The following RTTN variants were observed in gnomAD, a reference collection of about 807,000 sequenced individuals.
The protein encoded by RTTN is rotatin.
RTTN carries 182 observed loss-of-function variants against 269.2 expected under a neutral mutation model. The ratio of observed to expected loss-of-function variants is 0.68; its 90% CI spans 0.60 to 0.76. The LOEUF (loss-of-function observed/expected upper bound fraction) is 0.76, where lower values mean the gene tolerates loss of function less well. Among genes scored for constraint, RTTN ranks in the 30% least tolerant of loss-of-function variants. The pLI, the probability that RTTN is intolerant of heterozygous loss-of-function variation, is 0.00. For missense variants in RTTN, 2,545 were observed against 2,608.6 expected (o/e 0.98, Z 0.53); for synonymous variants, 1,006 against 963.5 (o/e 1.04, Z -0.82).
At chr18:70,192,991 A>G (rs1409488200) in intron 8 of RTTN, 1 of 245,396 alleles carries the variant, frequency 4.1e-6, no homozygotes, top group African/African-American at 2.2e-5. Flanking sequence ...GTATCAGAAT[A>G]CTATTATGTG....
At chr18:70,062,791 T>G (rs2058028360) in intron 35 of RTTN, among the ~76,000 whole-genome samples, 1 of 152,036 alleles carries the variant, frequency 6.6e-6, no homozygotes. Context: ...TATTTTATAT[T>G]TTGTAGAGAT....
chr18:70,181,762 T>C lies in RTTN; in HGVS notation c.1306-4917A>G, dbSNP rs150203766. On this transcript the variant is annotated intron_variant, in intron 10 of 48. Coordinates refer to ENST00000640769, the MANE Select transcript of RTTN (RefSeq NM_173630.4). ...TATGAACATTAAGAAATTTTACTTG[T>C]TTGCTTCTTTTAAAATATAGCCAAA... 2.9e-3 allele frequency among the ~76,000 whole-genome samples: 443 copies of C among 152,328 alleles called. 1 individual carries two copies. Among genetic ancestry groups the C allele is most frequent in the African/African-American group, 9.9e-3 (411 of 41,586 alleles).
At chr18:70,067,140 T>C (rs1466929342) in intron 34 of RTTN, among the ~76,000 whole-genome samples, 1 of 148,854 alleles carries the variant, frequency 6.7e-6, no homozygotes, top group Non-Finnish European at 1.5e-5. Flanking sequence ...AGATACTAAG[T>C]AAAAATAACC....
intron 27 of RTTN, among the ~76,000 whole-genome samples, chr18:70,113,263 G>A (rs1599440): frequency 0.85 from 129,550 of 152,202 alleles, 57,360 homozygotes; most frequent in East Asian, 1. Flanking sequence ...GTATTTCTCC[G>A]AAGAAGATAC....
chr18:70,166,281 C>G, intron 13 of RTTN, 93 bp from the exon 14 acceptor site: 1 of 1,220,962 alleles, frequency 8.2e-7, no homozygotes, highest in South Asian at 1.4e-5. Flanking sequence ...TCTTCCTACT[C>G]CAACTCCTCA....
chr18:70,015,028 C>T (rs999713017), intron 46 of RTTN, among the ~76,000 whole-genome samples: 2 of 151,042 alleles, frequency 1.3e-5, no homozygotes, highest in African/African-American at 4.9e-5. Flanking sequence ...ATGTTATTGT[C>T]GTTTTCAGAA....
At chr18:70,065,694 C>G (rs1036014618) in intron 35 of RTTN, 135 bp downstream of exon 35, 2 of 474,024 alleles carry the variant, frequency 4.2e-6, no homozygotes, top group Non-Finnish European at 7.5e-6. Context: ...TATATTGGTT[C>G]TAAATGTATT....
chr18:70,059,709 G>T, intron 36 of RTTN, 141 bp downstream of exon 36: 1 of 514,750 alleles, frequency 1.9e-6, no homozygotes, highest in Non-Finnish European at 3.1e-6. Flanking sequence ...TCTGGCAAAA[G>T]CAAAATCCTA....
At chr18:70,034,864 A>G (rs369703015) in intron 40 of RTTN, among the ~76,000 whole-genome samples, 1 of 152,230 alleles carries the variant, frequency 6.6e-6, no homozygotes. Context: ...ATACAAAATC[A>G]ATGTGCAAAA....
chr18:70,184,703 GTTTTTTT>G (rs374636456), intron 10 of RTTN, among the ~76,000 whole-genome samples: 730 of 26,378 alleles, frequency 0.028, 21 homozygotes, highest in African/African-American at 0.035. Flanking sequence ...ACCACAGCAG[GTTTTTTT>G]TTTTTTTGTG....
intron 10 of RTTN, among the ~76,000 whole-genome samples, chr18:70,184,717 TGTGTGTGTGTGTG>T (rs2061502478): frequency 5.3e-5 from 1 of 19,030 alleles, no homozygotes; most frequent in Non-Finnish European, 1.7e-4. Context: ...TTTTTTTTTT[TGTGTGTGTGTGTG>T]TGTGTGTGTG....
chr18:70,152,031 T>C (rs1387956392), intron 14 of RTTN, among the ~76,000 whole-genome samples: 10 of 152,126 alleles, frequency 6.6e-5, no homozygotes, highest in Non-Finnish European at 1.5e-5. Context: ...ACCAACAACC[T>C]CAACGATGCC....
chr18:70,128,495 G>A lies in RTTN; in HGVS notation c.3006C>T (p.Ser1002=), dbSNP rs746761740. The A allele has an allele frequency of 5.6e-6, 9 of 1,613,104 alleles. No homozygotes were observed. In the East Asian group the frequency reaches 6.7e-5, roughly 12 times the overall value. ...VIGHHAVSPY[S]IVLPLSADCL... ...AATCAGCAGATAAGGGCAAAACTATGGAGTAAGGACTCACAGCATGGTGTC... is the reference window on the plus strand; with the variant it reads ...AATCAGCAGATAAGGGCAAAACTATAGAGTAAGGACTCACAGCATGGTGTC... Residue 1002 remains serine (S), a synonymous_variant, in exon 24 of 49, where the codon TCC becomes TCT. Coordinates refer to ENST00000640769, the MANE Select transcript of RTTN (RefSeq NM_173630.4).
intron 28 of RTTN, among the ~76,000 whole-genome samples, chr18:70,099,605 T>C (rs1446010616): frequency 6.6e-6 from 1 of 152,240 alleles, no homozygotes. Context: ...TTTGTCTATT[T>C]TGGCTTTTGT....
rs183655743 is a variant in RTTN, at chr18:70,192,249, G to C, written c.1007+1039C>G. 4.6e-5 allele frequency among the ~76,000 whole-genome samples: 7 copies of C among 152,302 alleles called. No homozygotes were observed. The East Asian group carries it at 1.4e-3, about 29-fold the overall frequency. On this transcript the variant is annotated intron_variant, in intron 8 of 48. Transcript: ENST00000640769. ...AAAATAATTAAGCCAACAGACCAAT[G>C]CTTAACTTAGTGAACATTTTTTAGA...
chr18:70,196,480 T>C, intron 7 of RTTN, 21 bp downstream of exon 7: 1 of 1,597,230 alleles, frequency 6.3e-7, no homozygotes, highest in Non-Finnish European at 8.5e-7. Context: ...CAGTGGCTAA[T>C]GAACAGATAA....
rs539684463 is a variant in RTTN, at chr18:70,110,667, T to C, written c.3684-950A>G. 4.6e-5 allele frequency among the ~76,000 whole-genome samples: 7 copies of C among 152,292 alleles called. No individual in the cohort carries two copies. The East Asian group carries it at 1.4e-3, about 29-fold the overall frequency. On this transcript the variant is annotated intron_variant, in intron 27 of 48. Coordinates refer to ENST00000640769, the MANE Select transcript of RTTN (RefSeq NM_173630.4). ...CACCAAACAAGCTGCAGTAGTTCTT[T>C]TTTCCCATACCCCAGTGGCGCCTGG... is the stretch of plus-strand genomic sequence containing the variant.
intron 11 of RTTN, among the ~76,000 whole-genome samples, chr18:70,171,849 G>C (rs550225799): frequency 6.6e-6 from 1 of 152,332 alleles, no homozygotes; most frequent in South Asian, 2.1e-4. Flanking sequence ...GAATATGCAA[G>C]ATGTGATTAA....
chr18:70,110,601 C>T (rs2059438416), intron 27 of RTTN, among the ~76,000 whole-genome samples: 1 of 152,206 alleles, frequency 6.6e-6, no homozygotes, highest in African/African-American at 2.4e-5. Context: ...CTACCAGAGC[C>T]CTAGGTTTCA....
Sources: allele counts gnomAD v4.1 joint callset (sites outside exome capture counted in the v4.1 genomes callset), GRCh38; gene constraint gnomAD v4.1.1; transcripts MANE v1.5; gene names NCBI Gene and HGNC (gene_info 2026-07-23, HGNC 2026-07-21).